The following TNIK variants were observed in gnomAD, a reference collection of about 807,000 sequenced individuals.
The protein encoded by TNIK is TRAF2 and NCK interacting kinase.
A neutral mutation model predicts 191.3 loss-of-function variants in TNIK; 49 were observed. The observed-to-expected ratio is 0.26, with a 90% CI of 0.20 to 0.32. TNIK has a LOEUF of 0.32. Ranked by LOEUF, TNIK falls within the 10% of genes least tolerant of loss-of-function variation. The pLI, the probability that TNIK is intolerant of heterozygous loss-of-function variation, is 1.00. For missense variants in TNIK, 1,155 were observed against 1,702.3 expected (o/e 0.68, Z 5.66); for synonymous variants, 594 against 600.9 (o/e 0.99, Z 0.17).
In TNIK at chr3:171,424,841, G is replaced by A. The variant is rs1248895952; in HGVS notation, c.57+35166C>T. On this transcript the variant is annotated intron_variant, in intron 1 of 32. Coordinates refer to ENST00000436636, the MANE Select transcript of TNIK (RefSeq NM_015028.4). ...CACACTGGGGACTGTTGTGGGGTGGGGGGAGGGGGGAGGGATAGCATTAGG... is the reference window on the plus strand; with the variant it reads ...CACACTGGGGACTGTTGTGGGGTGGAGGGAGGGGGGAGGGATAGCATTAGG... 4.1e-5 allele frequency among the ~76,000 whole-genome samples: 5 copies of A among 121,296 alleles called. No homozygotes were observed. In the East Asian group the frequency reaches 1.4e-3, roughly 35 times the overall value. The allele number at this position is 121,296 out of a possible 152,430, so 79.6% of individuals were successfully genotyped here.
intron 1 of TNIK, among the ~76,000 whole-genome samples, chr3:171,432,871 A>G (rs1321696189): frequency 6.6e-6 from 1 of 152,200 alleles, no homozygotes; most frequent in African/African-American, 2.4e-5. Context: ...GACCAATTTA[A>G]TGCAAAAGGC....
chr3:171,061,567 A>C lies in TNIK; in HGVS notation c.*2314T>G, dbSNP rs371126199. 10 of 152,344 alleles carry C rather than the reference A, an allele frequency of 6.6e-5. No individual in the cohort carries two copies. The highest frequency in any genetic ancestry group is 2.1e-4 in the South Asian group (1 of 4,826). The allele number at this position is 152,344 out of a possible 1,614,324, so 9.4% of individuals were successfully genotyped here. ...AAATCCCACAATAAAAAAATCATTT[A>C]AAGCTGTGTGTTTCAAACTTATCAC... On this transcript the variant is annotated 3_prime_UTR_variant, in exon 33 of 33. Transcript: ENST00000436636.
chr3:171,216,813 C>A (rs529633587), intron 3 of TNIK, among the ~76,000 whole-genome samples: 1 of 151,868 alleles, frequency 6.6e-6, no homozygotes, highest in Non-Finnish European at 1.5e-5. Flanking sequence ...TAAATAATTA[C>A]AATAGATTGT....
In TNIK at chr3:171,077,080, C is replaced by CA; in HGVS notation, c.3448+2437_3448+2438insT. On this transcript the variant is annotated intron_variant, in intron 28 of 32. Transcript: ENST00000436636. ...ACATTTCCTTTCTTGTTCCCCCCCC[C>CA]CTTTTTTTTTATACTTGTTTTCTAT... Among the ~76,000 whole-genome samples the CA allele has an allele frequency of 1.4e-5, 2 of 145,084 alleles. 1 individual carries two copies. Among genetic ancestry groups the CA allele is most frequent in the Middle Eastern group, 7.0e-3 (2 of 286 alleles).
At chr3:171,258,742 A>G (rs569284165) in intron 2 of TNIK, among the ~76,000 whole-genome samples, 192 of 152,326 alleles carry the variant, frequency 1.3e-3, no homozygotes, top group African/African-American at 4.5e-3. Flanking sequence ...CCTGGTTCCC[A>G]TAATTTTTCT....
intron 7 of TNIK, among the ~76,000 whole-genome samples, chr3:171,185,493 A>G (rs1737247659): frequency 6.6e-6 from 1 of 152,232 alleles, no homozygotes; most frequent in Non-Finnish European, 1.5e-5. Flanking sequence ...CATACTTATC[A>G]GGGAAATGAA....
chr3:171,174,267 A>C (rs1735702511), intron 9 of TNIK, among the ~76,000 whole-genome samples: 1 of 152,070 alleles, frequency 6.6e-6, no homozygotes, highest in African/African-American at 2.4e-5. Context: ...GGTGGGTGGG[A>C]AACATGAGGA....
chr3:171,312,536 T>C (rs1386160946), intron 2 of TNIK, among the ~76,000 whole-genome samples: 2 of 152,138 alleles, frequency 1.3e-5, no homozygotes, highest in Admixed American at 1.3e-4. Context: ...CAAATTGCCT[T>C]GTTCTTGGTG....
intron 18 of TNIK, among the ~76,000 whole-genome samples, chr3:171,117,514 T>TATACATATATATGAGACAC (rs1429301758): frequency 7.9e-5 from 12 of 152,212 alleles, no homozygotes; most frequent in Admixed American, 7.2e-4. Context: ...ATATGAGACA[T>TATACATATATATGAGACAC]ATGTGTATGT....
At chr3:171,191,949 T>C (rs1738113553) in intron 5 of TNIK, among the ~76,000 whole-genome samples, 1 of 152,220 alleles carries the variant, frequency 6.6e-6, no homozygotes, top group Admixed American at 6.5e-5. Flanking sequence ...TCCCCGAGTG[T>C]TCTTTATTAC....
intron 1 of TNIK, among the ~76,000 whole-genome samples, chr3:171,411,313 G>T (rs1310774312): frequency 1.3e-5 from 2 of 151,996 alleles, no homozygotes; most frequent in South Asian, 4.2e-4. Context: ...TAATCTTAAT[G>T]TTGGGAGATT....
intron 4 of TNIK, among the ~76,000 whole-genome samples, chr3:171,210,860 A>T (rs1395445238): frequency 6.6e-6 from 1 of 152,094 alleles, no homozygotes; most frequent in Non-Finnish European, 1.5e-5. Context: ...TGAAAAAAAA[A>T]AAAAAAAACA....
intron 2 of TNIK, among the ~76,000 whole-genome samples, chr3:171,358,567 C>T (rs1714502361): frequency 6.6e-6 from 1 of 152,198 alleles, no homozygotes; most frequent in Non-Finnish European, 1.5e-5. Context: ...ACAGCCAAAC[C>T]ATATCAGAAA....
intron 2 of TNIK, among the ~76,000 whole-genome samples, chr3:171,272,561 C>T (rs773288255): frequency 1.8e-4 from 27 of 152,124 alleles, no homozygotes; most frequent in Admixed American, 4.6e-4. Context: ...TCTGACTGTA[C>T]ATTTTTAAAT....
chr3:171,376,766 A>AGATAGATAGATAGATAGAT (rs1559993737), intron 1 of TNIK, among the ~76,000 whole-genome samples: 3 of 152,118 alleles, frequency 2.0e-5, no homozygotes, highest in African/African-American at 7.2e-5. Flanking sequence ...ATAGATAGAT[A>AGATAGATAGATAGATAGAT]GATAGATAGA....
At position 171,061,860 on chromosome 3, in the gene TNIK, G is replaced by A. The variant is rs1235042909; in HGVS notation, c.*2021C>T. The A allele has an allele frequency of 1.3e-5, 2 of 152,208 alleles. No individual in the cohort carries two copies. Among genetic ancestry groups the A allele is most frequent in the African/African-American group, 2.4e-5 (1 of 41,462 alleles). 9.4% of individuals were successfully genotyped at this position (152,208 alleles called of 1,614,324 possible). On this transcript the variant is annotated 3_prime_UTR_variant, in exon 33 of 33. Transcript: ENST00000436636. ...GCAGCACAACCACAGCAGTAAAAAT[G>A]AGAACAGGAGGATTTCATTGCTTTT...
intron 2 of TNIK, among the ~76,000 whole-genome samples, chr3:171,266,664 G>A (rs1201953630): frequency 6.6e-6 from 1 of 152,184 alleles, no homozygotes; most frequent in African/African-American, 2.4e-5. Flanking sequence ...GGGAAAACCT[G>A]AGCCTTTGCA....
intron 15 of TNIK, among the ~76,000 whole-genome samples, chr3:171,133,456 A>G (rs1374032096): frequency 6.6e-6 from 1 of 152,222 alleles, no homozygotes; most frequent in Non-Finnish European, 1.5e-5. Flanking sequence ...GTTGAATACC[A>G]TATTTCATTT....
intron 8 of TNIK, among the ~76,000 whole-genome samples, chr3:171,176,505 T>C (rs1449668573): frequency 6.6e-6 from 1 of 152,186 alleles, no homozygotes; most frequent in Non-Finnish European, 1.5e-5. Flanking sequence ...CAGATTGCTA[T>C]GCAAGTCTGA....
Sources: gnomAD v4.1 joint callset for allele counts (sites outside exome capture counted in the v4.1 genomes callset) on GRCh38, gnomAD v4.1.1 for gene constraint, MANE v1.5 for transcripts, NCBI Gene and HGNC (gene_info 2026-07-23, HGNC 2026-07-21) for gene names.